The following CYB5R4 variants were observed in gnomAD, a reference collection of about 807,000 sequenced individuals.
CYB5R4 encodes N-terminal cytochrome b5 and cytochrome b5 oxidoreductase domain-containing protein.
Under a neutral mutation model 70.2 loss-of-function variants are expected in CYB5R4, and 55 were observed. That is an observed-to-expected ratio of 0.78 (90% CI 0.63 to 0.98). The LOEUF is 0.98. Among genes scored for constraint, CYB5R4 ranks in the 50% least tolerant of loss-of-function variants. The probability of loss-of-function intolerance (pLI) is 0.00; values close to 1 mark genes in which losing one functional copy is unlikely to be tolerated. For synonymous variants in CYB5R4, 197 were observed against 199.5 expected, an observed-to-expected ratio of 0.99 and a Z score of 0.11; for missense variants, 562 against 612.6, an observed-to-expected ratio of 0.92 and a Z score of 0.87.
At chr6:83,884,612 T>G (rs1311533090) in intron 2 of CYB5R4, among the ~76,000 whole-genome samples, 1 of 152,114 alleles carries the variant, frequency 6.6e-6, no homozygotes, top group Non-Finnish European at 1.5e-5. Flanking sequence ...AGGAAGTAAT[T>G]ACAATAATGT....
At chr6:83,906,001 G>T (rs1212138198) in intron 3 of CYB5R4, among the ~76,000 whole-genome samples, 1 of 152,112 alleles carries the variant, frequency 6.6e-6, no homozygotes, top group East Asian at 1.9e-4. Flanking sequence ...GCAATCTCCT[G>T]GCCCTCAAAC....
intron 2 of CYB5R4, among the ~76,000 whole-genome samples, chr6:83,872,625 C>T (rs1053444808): frequency 1.4e-4 from 21 of 152,132 alleles, no homozygotes; most frequent in Admixed American, 1.0e-3. Context: ...TTAGGATTAA[C>T]GCTAAGTTCA....
intron 10 of CYB5R4, chr6:83,926,458 T>A (rs2099467293): frequency 6.6e-6 from 1 of 152,202 alleles, no homozygotes; most frequent in Non-Finnish European, 1.5e-5. Context: ...CTTCTGAGAC[T>A]TCTTCCCTTA....
At chr6:83,934,938 A>G (rs2099468694) in intron 11 of CYB5R4, among the ~76,000 whole-genome samples, 1 of 152,186 alleles carries the variant, frequency 6.6e-6, no homozygotes. Flanking sequence ...ATCATATGGA[A>G]CAAAGATATT....
At chr6:83,876,707 T>G (rs181249178) in intron 2 of CYB5R4, among the ~76,000 whole-genome samples, 1 of 152,340 alleles carries the variant, frequency 6.6e-6, no homozygotes, top group East Asian at 1.9e-4. Context: ...TATTTTTGCT[T>G]TATACAGTTA....
At chr6:83,887,152 A>T (rs1983863) in intron 2 of CYB5R4, among the ~76,000 whole-genome samples, 27,641 of 152,024 alleles carry the variant, frequency 0.18, 5,314 homozygotes, top group African/African-American at 0.47. Context: ...TTTTTAGGTA[A>T]AAAAATGATA....
At chr6:83,860,446 A>C (rs1346104174) in intron 1 of CYB5R4, among the ~76,000 whole-genome samples, 1 of 152,190 alleles carries the variant, frequency 6.6e-6, no homozygotes, top group East Asian at 1.9e-4. Context: ...ATCACTTGCT[A>C]ACTTCGAAGC....
intron 14 of CYB5R4, among the ~76,000 whole-genome samples, chr6:83,941,811 T>G (rs1486074725): frequency 5.9e-5 from 9 of 152,262 alleles, no homozygotes; most frequent in Non-Finnish European, 1.2e-4. Context: ...GTTCAAGTTC[T>G]TAGTTTTTCA....
intron 14 of CYB5R4, among the ~76,000 whole-genome samples, chr6:83,941,390 A>G (rs900420480): frequency 6.6e-6 from 1 of 152,220 alleles, no homozygotes; most frequent in Non-Finnish European, 1.5e-5. Flanking sequence ...TTTCTAAAGC[A>G]TTTCTATAAT....
In CYB5R4 at chr6:83,934,630, G is replaced by A; in HGVS notation, c.850G>A (p.Glu284Lys). Residue 284 changes from glutamate (E) to lysine (K), a missense_variant, in exon 11 of 16, where the codon GAA becomes AAA. By Grantham distance (56) the Glu-to-Lys change is moderately conservative. Transcript: ENST00000369681. ...YYRKCQLISK[E>K]DVTHDTRLFC... ...CAGAAAGTGCCAGTTAATTTCCAAG[G>A]AAGATGTTACTCATGATACGAGGCT... 6.2e-7 allele frequency: 1 copy of A among 1,612,520 alleles called. No homozygotes were observed. The highest frequency in any genetic ancestry group is 8.5e-7 in the Non-Finnish European group (1 of 1,178,828).
chr6:83,922,442 A>G lies in CYB5R4; in HGVS notation c.663A>G (p.Leu221=). The G allele has an allele frequency of 1.9e-6, 3 of 1,613,264 alleles. No individual in the cohort carries two copies. Among genetic ancestry groups the G allele is most frequent in the Non-Finnish European group, 2.5e-6 (3 of 1,179,534 alleles). The change falls in exon 9 of 16, where the codon CTA becomes CTG. Residue 221 remains leucine (L), a synonymous_variant. Transcript: ENST00000369681. Reference sequence around the variant, plus strand: ...AAATAAATTTGTCTGTCCTAGGGCTAAGCCATGAGGTTCAGGAAGATTTTT... The same window carrying G: ...AAATAAATTTGTCTGTCCTAGGGCTGAGCCATGAGGTTCAGGAAGATTTTT... ...KDCLYLIHIG[L]SHEVQEDFSV... is the part of the protein sequence containing the mutation.
chr6:83,919,513 G>C, intron 7 of CYB5R4, 59 bp downstream of exon 7: 1 of 906,794 alleles, frequency 1.1e-6, no homozygotes, highest in Non-Finnish European at 1.6e-6. Flanking sequence ...TTATGTACCA[G>C]GTCTTTTTCT....
At chr6:83,959,213 A>G (rs1238146026) in intron 15 of CYB5R4, among the ~76,000 whole-genome samples, 1 of 152,200 alleles carries the variant, frequency 6.6e-6, no homozygotes, top group Non-Finnish European at 1.5e-5. Context: ...GGATCTATAC[A>G]TAGATCATAA....
At chr6:83,926,871 C>T (rs556791202) in intron 10 of CYB5R4, among the ~76,000 whole-genome samples, 1 of 152,120 alleles carries the variant, frequency 6.6e-6, no homozygotes, top group Non-Finnish European at 1.5e-5. Flanking sequence ...TTTAATTCTA[C>T]CTTGACTCTG....
At chr6:83,931,689 A>T (rs1420715457) in intron 10 of CYB5R4, among the ~76,000 whole-genome samples, 1 of 151,750 alleles carries the variant, frequency 6.6e-6, no homozygotes, top group African/African-American at 2.4e-5. Context: ...ATTTTTTAGC[A>T]TAATTACCTG....
In CYB5R4 at chr6:83,965,676, G is replaced by C. The variant is rs2099473944; in HGVS notation, c.*5798G>C. The C allele has an allele frequency of 6.6e-6, 1 of 152,124 alleles. No individual in the cohort carries two copies. The highest frequency in any genetic ancestry group is 2.4e-5 in the African/African-American group (1 of 41,420). The allele number at this position is 152,124 out of a possible 1,614,324, so 9.4% of individuals were successfully genotyped here. A position where few individuals can be genotyped will look rare whatever the true frequency, so the allele number is the denominator to read the frequency against. On this transcript the variant is annotated 3_prime_UTR_variant, in exon 16 of 16. Coordinates refer to ENST00000369681, the MANE Select transcript of CYB5R4 (RefSeq NM_016230.4). ...TGCATGATTGGTTTTGAAATGTGAG[G>C]ACATAAGATTTGGAGGAGCCAGGGG...
chr6:83,966,020 T>G lies in CYB5R4; in HGVS notation c.*6142T>G, dbSNP rs1285060803. 2.0e-5 allele frequency: 3 copies of G among 152,266 alleles called. No homozygotes were observed. The highest frequency in any genetic ancestry group is 2.9e-5 in the Non-Finnish European group (2 of 68,086). The allele number at this position is 152,266 out of a possible 1,614,324, so 9.4% of individuals were successfully genotyped here. On this transcript the variant is annotated 3_prime_UTR_variant, in exon 16 of 16. Transcript: ENST00000369681. Reference sequence around the variant, plus strand: ...TTAAACCTCTTTTTCTTGGCTTAATTTCTTGGGTATGTCTTTATCAGCAGT... The same window carrying G: ...TTAAACCTCTTTTTCTTGGCTTAATGTCTTGGGTATGTCTTTATCAGCAGT...
chr6:83,864,234 G>A lies in CYB5R4; in HGVS notation c.135G>A (p.Lys45=), dbSNP rs1309130084. 2 of 1,612,968 alleles carry A rather than the reference G, an allele frequency of 1.2e-6. No individual in the cohort carries two copies. The highest frequency in any genetic ancestry group is 1.3e-5 in the African/African-American group (1 of 74,854). The part of the protein sequence containing the change: ...MDWIRLTKSG[K]DLTGLKGRLI... ...GGATTCGACTGACCAAAAGTGGAAA[G>A]GATCTAACGGGATTAAAAGGCAGGT... Residue 45 remains lysine (K), a synonymous_variant, in exon 2 of 16, where the codon AAG becomes AAA. Coordinates refer to ENST00000369681, the MANE Select transcript of CYB5R4 (RefSeq NM_016230.4).
In CYB5R4 at chr6:83,911,798, C is replaced by A. The variant is rs189259243; in HGVS notation, c.413-2618C>A. ...GTGGCTGACACCTGTAATCCCAGCACTTTGGGATGCCAAGGCAGGTGAATC... is the reference window on the plus strand; with the variant it reads ...GTGGCTGACACCTGTAATCCCAGCAATTTGGGATGCCAAGGCAGGTGAATC... On this transcript the variant is annotated intron_variant, in intron 4 of 15. Transcript: ENST00000369681. 3.7e-3 allele frequency among the ~76,000 whole-genome samples: 566 copies of A among 152,162 alleles called. 1 individual carries two copies. Among genetic ancestry groups the A allele is most frequent in the Admixed American group, 5.0e-3 (76 of 15,296 alleles).
Sources: gnomAD v4.1 joint callset for allele counts (sites outside exome capture counted in the v4.1 genomes callset) on GRCh38, gnomAD v4.1.1 for gene constraint, MANE v1.5 for transcripts, NCBI Gene and HGNC (gene_info 2026-07-23, HGNC 2026-07-21) for gene names.